ADK: variants seen among roughly 807,000 people sequenced by gnomAD.
ADK encodes the protein adenosine kinase.
ADK carries 24 observed loss-of-function variants against 44.7 expected under a neutral mutation model. The observed-to-expected ratio is 0.54, with a 90% CI of 0.39 to 0.76. The LOEUF is 0.76. Ranked by LOEUF, ADK falls within the 30% of genes least tolerant of loss-of-function variation. The pLI, the probability that ADK is intolerant of heterozygous loss-of-function variation, is 0.00. For missense variants in ADK, 321 were observed against 425.1 expected (o/e 0.76, Z 2.15); for synonymous variants, 128 against 142.6 (o/e 0.90, Z 0.73).
chr10:74,682,772 T>C (rs1176155977), intron 10 of ADK, among the ~76,000 whole-genome samples: 2 of 151,774 alleles, frequency 1.3e-5, no homozygotes, highest in African/African-American at 4.8e-5. Flanking sequence ...CAGGGTTTCA[T>C]CATATTGGCC....
At chr10:74,325,359 A>T (rs1335835490) in intron 4 of ADK, among the ~76,000 whole-genome samples, 1 of 152,006 alleles carries the variant, frequency 6.6e-6, no homozygotes. Context: ...ACTGAATGTG[A>T]TTATTAGTTC....
At chr10:74,442,299 C>G (rs1845443378) in intron 6 of ADK, among the ~76,000 whole-genome samples, 1 of 139,302 alleles carries the variant, frequency 7.2e-6, no homozygotes, top group Admixed American at 6.8e-5. Context: ...ACGAAAGTTC[C>G]TTTAAAAACA....
chr10:74,210,846 T>G (rs1403967259), intron 2 of ADK, among the ~76,000 whole-genome samples: 1 of 152,210 alleles, frequency 6.6e-6, no homozygotes, highest in Non-Finnish European at 1.5e-5. Flanking sequence ...TTAATTGTTT[T>G]GCTTTAAAAT....
At chr10:74,594,897 G>A (rs1271153631) in intron 8 of ADK, among the ~76,000 whole-genome samples, 1 of 152,134 alleles carries the variant, frequency 6.6e-6, no homozygotes, top group Non-Finnish European at 1.5e-5. Context: ...TATATGGCCG[G>A]GTGTGGTGGC....
chr10:74,354,325 CTT>C (rs991161884), intron 4 of ADK, among the ~76,000 whole-genome samples: 6 of 144,724 alleles, frequency 4.1e-5, no homozygotes, highest in Non-Finnish European at 9.2e-5. Context: ...TCCAGTAACT[CTT>C]TGAATTTTTT....
At chr10:74,483,857 C>T (rs1037274980) in intron 6 of ADK, among the ~76,000 whole-genome samples, 5 of 152,228 alleles carry the variant, frequency 3.3e-5, no homozygotes, top group Non-Finnish European at 7.3e-5. Flanking sequence ...TCTGAGACCT[C>T]CTCAGTCTGG....
intron 4 of ADK, among the ~76,000 whole-genome samples, chr10:74,352,998 C>CAA (rs1437373260): frequency 6.6e-6 from 1 of 152,194 alleles, no homozygotes; most frequent in African/African-American, 2.4e-5. Context: ...CTGTAGAAGA[C>CAA]AGTGTAGCAA....
At chr10:74,630,889 G>C (rs1028989759) in intron 9 of ADK, among the ~76,000 whole-genome samples, 1 of 149,298 alleles carries the variant, frequency 6.7e-6, no homozygotes, top group Admixed American at 6.7e-5. Flanking sequence ...ATAGAGAAGA[G>C]CTTTCCCCTT....
intron 9 of ADK, among the ~76,000 whole-genome samples, chr10:74,609,535 A>G (rs1382803187): frequency 3.3e-5 from 5 of 152,148 alleles, no homozygotes; most frequent in East Asian, 1.9e-4. Flanking sequence ...GTGACGCCCC[A>G]CCCTGCTTCC....
chr10:74,339,668 C>T (rs1373973190), intron 4 of ADK, among the ~76,000 whole-genome samples: 3 of 152,138 alleles, frequency 2.0e-5, no homozygotes, highest in African/African-American at 7.2e-5. Flanking sequence ...CCAACTGAAA[C>T]TGTGGTGTTG....
rs138864337 is a variant in ADK at position 74,288,114 on chromosome 10, T to C, written c.195-26553T>C. On this transcript the variant is annotated intron_variant, in intron 3 of 10. Coordinates refer to ENST00000539909, the MANE Select transcript of ADK (RefSeq NM_006721.4). Reference sequence around the variant, plus strand: ...GACAGTATGGCTCTTTTTTTAAGAATTAGGAGACATGAGTGTAAAGCATAT... The same window carrying C: ...GACAGTATGGCTCTTTTTTTAAGAACTAGGAGACATGAGTGTAAAGCATAT... Among the ~76,000 whole-genome samples the C allele has an allele frequency of 5.4e-3, 815 of 152,084 alleles. 8 individuals are homozygous for C. The highest frequency in any genetic ancestry group is 0.018 in the African/African-American group (756 of 41,454).
At chr10:74,617,938 A>G (rs954400223) in intron 9 of ADK, among the ~76,000 whole-genome samples, 1 of 152,132 alleles carries the variant, frequency 6.6e-6, no homozygotes, top group African/African-American at 2.4e-5. Flanking sequence ...ATATAAATTT[A>G]TAATTCTCAC....
intron 1 of ADK, 24 bp from the exon 2 acceptor site, chr10:74,200,739 TA>T: frequency 6.6e-7 from 1 of 1,511,256 alleles, no homozygotes; most frequent in Non-Finnish European, 9.2e-7. Context: ...GAAGTATTTC[TA>T]ACTTGTGTTT....
At chr10:74,183,866 T>C (rs910607763) in intron 1 of ADK, among the ~76,000 whole-genome samples, 1 of 152,144 alleles carries the variant, frequency 6.6e-6, no homozygotes, top group Non-Finnish European at 1.5e-5. Flanking sequence ...AACATTTTTA[T>C]TTTTTACTTT....
At chr10:74,205,770 A>C (rs2132170232) in intron 2 of ADK, among the ~76,000 whole-genome samples, 1 of 152,164 alleles carries the variant, frequency 6.6e-6, no homozygotes, top group South Asian at 2.1e-4. Context: ...TAATTATCTC[A>C]ATAGACAAAG....
At chr10:74,674,369 C>T (rs751225545) in intron 10 of ADK, among the ~76,000 whole-genome samples, 2 of 152,182 alleles carry the variant, frequency 1.3e-5, no homozygotes, top group South Asian at 2.1e-4. Context: ...CACAGTGGCT[C>T]ACACCTGAAA....
intron 6 of ADK, among the ~76,000 whole-genome samples, chr10:74,425,802 G>A (rs527323135): frequency 6.6e-6 from 1 of 152,188 alleles, no homozygotes; most frequent in South Asian, 2.1e-4. Context: ...TGTCAACTCA[G>A]CAATATACTT....
intron 9 of ADK, among the ~76,000 whole-genome samples, chr10:74,644,488 A>G (rs2134108449): frequency 6.6e-6 from 1 of 152,324 alleles, no homozygotes; most frequent in East Asian, 1.9e-4. Context: ...AAGTTAAAAC[A>G]AGCTATTGTT....
intron 6 of ADK, among the ~76,000 whole-genome samples, chr10:74,458,146 TG>T (rs1319327365): frequency 2.8e-5 from 3 of 106,328 alleles, no homozygotes; most frequent in Admixed American, 1.1e-4. Flanking sequence ...TTTTTTTTTT[TG>T]GGGGGAGAAG....
Sources: gnomAD v4.1 joint callset for allele counts (sites outside exome capture counted in the v4.1 genomes callset) on GRCh38, gnomAD v4.1.1 for gene constraint, MANE v1.5 for transcripts, NCBI Gene and HGNC (gene_info 2026-07-23, HGNC 2026-07-21) for gene names.